The following GRIK2 variants were observed in gnomAD, a reference collection of about 807,000 sequenced individuals.
The protein encoded by GRIK2 is glutamate receptor ionotropic, kainate 2.
GRIK2 carries 32 observed loss-of-function variants against 100.3 expected under a neutral mutation model. That is an observed-to-expected ratio of 0.32 (90% CI 0.24 to 0.43). The LOEUF is 0.43. Ranked by LOEUF, GRIK2 falls within the 20% of genes least tolerant of loss-of-function variation. GRIK2 has a pLI of 1.00. For synonymous variants in GRIK2, 417 were observed against 389.4 expected (o/e 1.07, Z -0.83); for missense variants, 843 against 1,114.9 (o/e 0.76, Z 3.47).
chr6:101,664,080 C>T (rs1049964476), intron 4 of GRIK2, among the ~76,000 whole-genome samples: 1 of 152,168 alleles, frequency 6.6e-6, no homozygotes, highest in Non-Finnish European at 1.5e-5. Context: ...CTTGTTTCAA[C>T]CATGCCTGGA....
rs1792566629 is a variant in GRIK2, at chr6:101,964,988, C to T, written c.2085+36356C>T. 2.6e-5 allele frequency among the ~76,000 whole-genome samples: 4 copies of T among 151,798 alleles called. No homozygotes were observed. In the South Asian group the frequency reaches 8.3e-4, roughly 32 times the overall value. On this transcript the variant is annotated intron_variant, in intron 14 of 16. Transcript: ENST00000369134. ...TGAATAGTTTTTTTAAAGGAAGTAG[C>T]CGGAAAATGGATAACCTGGTCTGCT...
chr6:101,784,498 G>A (rs1379083630), intron 7 of GRIK2, among the ~76,000 whole-genome samples: 1 of 152,188 alleles, frequency 6.6e-6, no homozygotes, highest in Non-Finnish European at 1.5e-5. Context: ...GGGACTGTGG[G>A]GAAGGCATGA....
chr6:101,442,381 T>C (rs1490499791), intron 2 of GRIK2, among the ~76,000 whole-genome samples: 1 of 152,072 alleles, frequency 6.6e-6, no homozygotes, highest in Admixed American at 6.6e-5. Flanking sequence ...CCAGGCTCCT[T>C]TCCCCCTGCA....
At chr6:101,843,130 T>C (rs548919245) in intron 10 of GRIK2, among the ~76,000 whole-genome samples, 2 of 152,164 alleles carry the variant, frequency 1.3e-5, no homozygotes, top group African/African-American at 4.8e-5. Context: ...AAAGAGAATA[T>C]TGAAGAAAAA....
At chr6:101,894,612 T>C (rs1209481710) in intron 12 of GRIK2, among the ~76,000 whole-genome samples, 1 of 151,720 alleles carries the variant, frequency 6.6e-6, no homozygotes, top group Non-Finnish European at 1.5e-5. Context: ...ATTATAGAGA[T>C]GGCAGTTAGT....
intron 11 of GRIK2, among the ~76,000 whole-genome samples, chr6:101,874,575 T>C (rs1582430788): frequency 1.3e-5 from 2 of 152,314 alleles, no homozygotes; most frequent in South Asian, 4.1e-4. Context: ...GTCTTGGCAA[T>C]GCAGGCTCTT....
At chr6:102,006,368 T>TTATATATATATATA in intron 14 of GRIK2, among the ~76,000 whole-genome samples, 1 of 125,822 alleles carries the variant, frequency 7.9e-6, no homozygotes, top group South Asian at 2.5e-4. Flanking sequence ...GATAAACCTT[T>TTATATATATATATA]TATATATATA....
At chr6:101,826,790 A>G (rs999141716) in intron 10 of GRIK2, among the ~76,000 whole-genome samples, 1 of 152,068 alleles carries the variant, frequency 6.6e-6, no homozygotes, top group African/African-American at 2.4e-5. Flanking sequence ...CATTTAAAAA[A>G]AATGACGTTT....
chr6:101,464,501 T>C (rs2788277), intron 2 of GRIK2, among the ~76,000 whole-genome samples: 13,551 of 28,636 alleles, frequency 0.47, 640 homozygotes, highest in South Asian at 0.49. Flanking sequence ...TTCTTTCTTT[T>C]TTTTTTTTTT....
chr6:101,952,653 A>G (rs1791672373), intron 14 of GRIK2, among the ~76,000 whole-genome samples: 1 of 151,056 alleles, frequency 6.6e-6, no homozygotes, highest in Admixed American at 6.6e-5. Flanking sequence ...CTCAGGCTGG[A>G]GTGCAGTGGC....
chr6:101,845,003 T>C (rs1783725102), intron 10 of GRIK2, among the ~76,000 whole-genome samples: 1 of 109,718 alleles, frequency 9.1e-6, no homozygotes, highest in Non-Finnish European at 1.6e-5. Flanking sequence ...CATTGTTTGT[T>C]TGTTGTTGTT....
chr6:101,713,104 C>T (rs192455512), intron 7 of GRIK2, among the ~76,000 whole-genome samples: 9 of 151,804 alleles, frequency 5.9e-5, no homozygotes, highest in Admixed American at 2.6e-4. Context: ...TCTTTCAAAG[C>T]GTAGGAGGGC....
chr6:101,467,969 C>T (rs976038920), intron 2 of GRIK2, among the ~76,000 whole-genome samples: 1 of 149,734 alleles, frequency 6.7e-6, no homozygotes, highest in South Asian at 2.1e-4. Context: ...AGGAGTGTCT[C>T]TCAGGGCACG....
At chr6:101,910,626 A>G (rs1788611065) in intron 12 of GRIK2, among the ~76,000 whole-genome samples, 1 of 151,364 alleles carries the variant, frequency 6.6e-6, no homozygotes, top group African/African-American at 2.4e-5. Context: ...CATGTTGTAC[A>G]TGTGAATCAT....
intron 11 of GRIK2, 25 bp from the exon 12 acceptor site, chr6:101,889,615 T>G (rs1430366901): frequency 2.0e-6 from 2 of 1,005,252 alleles, no homozygotes; most frequent in African/African-American, 3.3e-5. Context: ...CTTTTTTTTT[T>G]TTTTTTGTTT....
chr6:101,775,629 G>A (rs1011075383), intron 7 of GRIK2, among the ~76,000 whole-genome samples: 10 of 151,244 alleles, frequency 6.6e-5, no homozygotes, highest in Non-Finnish European at 1.3e-4. Context: ...ACAAGACAGA[G>A]GCTGTACTCA....
chr6:101,642,917 T>C (rs1409466289), intron 4 of GRIK2, among the ~76,000 whole-genome samples: 1 of 151,742 alleles, frequency 6.6e-6, no homozygotes, highest in Non-Finnish European at 1.5e-5. Flanking sequence ...ATTGTACTCA[T>C]GTTGATGGGT....
rs146722695 is a variant in GRIK2, at chr6:101,563,936, A to T, written c.116-58013A>T. Among the ~76,000 whole-genome samples, 4 of 152,256 alleles carry T rather than the reference A, an allele frequency of 2.6e-5. No individual in the cohort carries two copies. The East Asian group carries it at 7.7e-4, about 29-fold the overall frequency. ...AAAAAATGCAACAAACAATACAAAA[A>T]TTTAATAGAAGAGATGTAATATTCA... On this transcript the variant is annotated intron_variant, in intron 2 of 16. Transcript: ENST00000369134.
intron 14 of GRIK2, among the ~76,000 whole-genome samples, chr6:101,977,133 A>G (rs1356705883): frequency 6.6e-6 from 1 of 151,928 alleles, no homozygotes; most frequent in Non-Finnish European, 1.5e-5. Context: ...AAGCCATATG[A>G]TGTGAACTAA....
Sources: gnomAD v4.1 joint callset for allele counts (sites outside exome capture counted in the v4.1 genomes callset) on GRCh38, gnomAD v4.1.1 for gene constraint, MANE v1.5 for transcripts, NCBI Gene and HGNC (gene_info 2026-07-23, HGNC 2026-07-21) for gene names.